The following ASZ1 variants were observed in gnomAD, a reference collection of about 807,000 sequenced individuals.
ASZ1 encodes ankyrin repeat, SAM and basic leucine zipper domain-containing protein 1.
A neutral mutation model predicts 61.8 loss-of-function variants in ASZ1; 67 were observed. The observed-to-expected ratio is 1.08, with a 90% confidence interval of 0.89 to 1.33. The LOEUF (loss-of-function observed/expected upper bound fraction) is 1.33. ASZ1 is among the 40% of genes most tolerant of loss of function. ASZ1 has a pLI of 0.00. For synonymous variants in ASZ1, 193 were observed against 192.7 expected (o/e 1.00, Z -0.01); for missense variants, 577 against 554.5 (o/e 1.04, Z -0.41).
At chr7:117,394,223 G>A (rs1796534142) in intron 4 of ASZ1, among the ~76,000 whole-genome samples, 1 of 151,998 alleles carries the variant, frequency 6.6e-6, no homozygotes, top group Non-Finnish European at 1.5e-5. Context: ...TTCCACCTCA[G>A]CCTCCCGAGT....
rs1337395897 is a variant in ASZ1, at chr7:117,404,767, T to C, written c.440+15396A>G. Among the ~76,000 whole-genome samples the C allele has an allele frequency of 2.6e-5, 4 of 152,154 alleles. No individual in the cohort carries two copies. In the East Asian group the frequency reaches 5.8e-4, roughly 22 times the overall value. On this transcript the variant is annotated intron_variant, in intron 4 of 12. Transcript: ENST00000284629. ...GTCTCCCTCATTTGGCCAGGCCCCC[T>C]TGAAGCCCACAACCACTCAGCTAAG...
At position 117,368,707 on chromosome 7, in the gene ASZ1, A is replaced by C. The variant is rs1323759413; in HGVS notation, c.1066T>G (p.Phe356Val). 2 of 1,612,422 alleles carry C rather than the reference A, an allele frequency of 1.2e-6. No individual in the cohort carries two copies. Among genetic ancestry groups the C allele is most frequent in the Non-Finnish European group, 1.7e-6 (2 of 1,179,324 alleles). Residue 356 changes from phenylalanine to valine, a missense_variant, in exon 11 of 13, where the codon TTC becomes GTC. Physicochemically the swap from Phe to Val is conservative, Grantham distance 50 (BLOSUM62 -1). Coordinates refer to ENST00000284629, the MANE Select transcript of ASZ1 (RefSeq NM_130768.3). ...TTTAATTTGAGAAGAAAGTTGAGGA[A>C]CTCATCACCACTAAAGAAAGGAAAC... ...ETKLEISGDEFLNFLLKLNKQ... is the reference protein window; with the variant it reads ...ETKLEISGDEVLNFLLKLNKQ...
In ASZ1 at chr7:117,398,196, G is replaced by A. The variant is rs1796612015; in HGVS notation, c.441-12387C>T. Among the ~76,000 whole-genome samples the A allele has an allele frequency of 5.9e-5, 9 of 151,976 alleles. No individual in the cohort carries two copies. In the South Asian group the frequency reaches 1.5e-3, roughly 25 times the overall value. The stretch of plus-strand genomic sequence containing the variant: ...CTCGCTTCAATATATCCCTACTTTC[G>A]CTGTTTCGTACCTTTCTTACTTTGT... On this transcript the variant is annotated intron_variant, in intron 4 of 12. Coordinates refer to ENST00000284629, the MANE Select transcript of ASZ1 (RefSeq NM_130768.3).
At chr7:117,387,956 C>T (rs1796392515) in intron 4 of ASZ1, among the ~76,000 whole-genome samples, 1 of 152,058 alleles carries the variant, frequency 6.6e-6, no homozygotes, top group African/African-American at 2.4e-5. Context: ...TTACCAGTAT[C>T]AAGAACAAGA....
At chr7:117,421,708 TG>T (rs1797102516) in intron 3 of ASZ1, among the ~76,000 whole-genome samples, 1 of 152,148 alleles carries the variant, frequency 6.6e-6, no homozygotes, top group South Asian at 2.1e-4. Context: ...AAAATTTAAT[TG>T]TCTATTGAAA....
At chr7:117,427,276 T>C (rs1797240862) in intron 1 of ASZ1, 80 bp downstream of exon 1, 1 of 1,457,424 alleles carries the variant, frequency 6.9e-7, no homozygotes, top group South Asian at 1.2e-5. Context: ...GAGTAGGAGG[T>C]TTCACGAGGC....
chr7:117,379,166 TATAC>T (rs1309737621), intron 10 of ASZ1, among the ~76,000 whole-genome samples: 3,767 of 61,164 alleles, frequency 0.062, 50 homozygotes, highest in Non-Finnish European at 0.076. Context: ...TATATATATA[TATAC>T]ACACACACAC....
At chr7:117,405,865 T>G (rs1007339863) in intron 4 of ASZ1, among the ~76,000 whole-genome samples, 1 of 152,202 alleles carries the variant, frequency 6.6e-6, no homozygotes, top group African/African-American at 2.4e-5. Context: ...TTCTAAGAAG[T>G]GTACAAGTTA....
intron 4 of ASZ1, among the ~76,000 whole-genome samples, chr7:117,415,034 T>C (rs1184675708): frequency 3.3e-5 from 5 of 152,162 alleles, no homozygotes; most frequent in African/African-American, 7.2e-5. Context: ...TATTTCTAGT[T>C]CTAGAGTTCT....
chr7:117,371,004 T>C (rs940469694), intron 10 of ASZ1, among the ~76,000 whole-genome samples: 12 of 152,084 alleles, frequency 7.9e-5, no homozygotes, highest in African/African-American at 2.7e-4. Context: ...TTTGTATTTT[T>C]AGTAGAGATG....
At chr7:117,402,764 G>A (rs967293549) in intron 4 of ASZ1, among the ~76,000 whole-genome samples, 2 of 152,012 alleles carry the variant, frequency 1.3e-5, no homozygotes, top group African/African-American at 4.8e-5. Context: ...GTAGTCCTAC[G>A]CCTTATCTAT....
At chr7:117,401,677 T>C (rs950833754) in intron 4 of ASZ1, among the ~76,000 whole-genome samples, 1 of 152,220 alleles carries the variant, frequency 6.6e-6, no homozygotes, top group Non-Finnish European at 1.5e-5. Flanking sequence ...TTTTACTTTG[T>C]AATTTCCACC....
intron 4 of ASZ1, 133 bp from the exon 5 acceptor site, chr7:117,385,942 G>A (rs909950265): frequency 1.4e-6 from 1 of 717,420 alleles, no homozygotes; most frequent in Admixed American, 3.3e-5. Context: ...TGCTAAATCA[G>A]GTGATTTAAA....
chr7:117,387,292 G>C (rs758916653), intron 4 of ASZ1, among the ~76,000 whole-genome samples: 55 of 149,632 alleles, frequency 3.7e-4, no homozygotes, highest in Admixed American at 2.4e-3. Flanking sequence ...TAGGCAACCA[G>C]AGTGAGACCC....
chr7:117,388,289 T>A (rs1796397873), intron 4 of ASZ1, among the ~76,000 whole-genome samples: 1 of 152,230 alleles, frequency 6.6e-6, no homozygotes, highest in Middle Eastern at 3.4e-3. Context: ...GAGGGGAAGA[T>A]GCTTCCCAAC....
Position 117,422,319 on chromosome 7 carries a change from G to A in ASZ1, c.246C>T (p.Pro82=), listed in dbSNP as rs373691721. The A allele has an allele frequency of 1.2e-6, 2 of 1,612,870 alleles. No individual in the cohort carries two copies. Among genetic ancestry groups the A allele is most frequent in the East Asian group, 4.5e-5 (2 of 44,760 alleles). Residue 82 remains proline (P), a synonymous_variant, in exon 3 of 13, where the codon CCC becomes CCT. Coordinates refer to ENST00000284629, the MANE Select transcript of ASZ1 (RefSeq NM_130768.3). The part of the protein sequence containing the change: ...VDSNFQYGWT[P]LMYAASVANA... ...TGGCAACACTAGCAGCATACATAAGGGGAGTCCATCCATACTGAAAGTTGG... is the reference window on the plus strand; with the variant it reads ...TGGCAACACTAGCAGCATACATAAGAGGAGTCCATCCATACTGAAAGTTGG...
chr7:117,366,263 C>CA (rs1189299076), intron 12 of ASZ1, among the ~76,000 whole-genome samples: 1 of 142,872 alleles, frequency 7.0e-6, no homozygotes, highest in Non-Finnish European at 1.5e-5. Flanking sequence ...GACTCAGTAT[C>CA]AAAAAAGAAA....
intron 4 of ASZ1, among the ~76,000 whole-genome samples, chr7:117,412,968 T>G (rs1796925436): frequency 6.6e-6 from 1 of 151,876 alleles, no homozygotes; most frequent in Non-Finnish European, 1.5e-5. Flanking sequence ...AAGGCCACCT[T>G]GTTTTTCAGA....
chr7:117,368,629 G>A lies in ASZ1; in HGVS notation c.1144C>T (p.Pro382Ser), dbSNP rs763399527. The change falls in exon 11 of 13, where the codon CCT (proline) becomes TCT (serine). Residue 382 changes from proline (P) to serine (S), a missense_variant. By Grantham distance (74) the Pro-to-Ser change is moderately conservative. Transcript: ENST00000284629. Reference sequence around the variant, plus strand: ...TAGAATACCTTTTGAGAATTTACAGGTAACTCAGTAATAACATTCTGTACA... The same window carrying A: ...TAGAATACCTTTTGAGAATTTACAGATAACTCAGTAATAACATTCTGTACA... ...TAVQNVITEL[P>S]VNSQKITLEW... is the part of the protein sequence containing the mutation. 1.2e-6 allele frequency: 2 copies of A among 1,610,902 alleles called. No individual in the cohort carries two copies. The highest frequency in any genetic ancestry group is 1.7e-6 in the Non-Finnish European group (2 of 1,178,918).
Sources: gnomAD v4.1 joint callset for allele counts (sites outside exome capture counted in the v4.1 genomes callset) on GRCh38, gnomAD v4.1.1 for gene constraint, MANE v1.5 for transcripts, NCBI Gene and HGNC (gene_info 2026-07-23, HGNC 2026-07-21) for gene names.